The following ICE2 variants were observed in gnomAD, a reference collection of about 807,000 sequenced individuals.
ICE2 encodes interactor of little elongation complex ELL subunit 2.
In ICE2, 87 loss-of-function variants were observed where a neutral mutation model predicts 105.4. That is an observed-to-expected ratio of 0.83 (90% CI 0.69 to 0.99). The LOEUF (loss-of-function observed/expected upper bound fraction) is 0.99. Among genes scored for constraint, ICE2 ranks in the 50% least tolerant of loss-of-function variants. The pLI, the probability that ICE2 is intolerant of heterozygous loss-of-function variation, is 0.00. For missense variants in ICE2, 1,323 were observed against 1,146.7 expected, an observed-to-expected ratio of 1.15 and a Z score of -2.22; for synonymous variants, 399 against 392.0, an observed-to-expected ratio of 1.02 and a Z score of -0.21.
chr15:60,455,706 C>T (rs908325270), intron 6 of ICE2, among the ~76,000 whole-genome samples: 8 of 152,036 alleles, frequency 5.3e-5, no homozygotes, highest in African/African-American at 1.4e-4. Flanking sequence ...CAACCTCTGC[C>T]TCCTGGGTTC....
Position 60,455,387 on chromosome 15 carries a change from AG to A in ICE2, c.721del (p.Leu241CysfsTer6). 6.2e-7 allele frequency: 1 copy of A among 1,614,078 alleles called. No individual in the cohort carries two copies. Among genetic ancestry groups the A allele is most frequent in the Non-Finnish European group, 8.5e-7 (1 of 1,179,974 alleles). Reference protein sequence around the residue: ...VFPSMPIKLQLSKDDIATIET... With the variant: ...VFPSMPIKLQXSKDDIATIET... The stretch of plus-strand genomic sequence containing the variant: ...AATGGTAGCTATATCGTCCTTTGAC[AG>A]CTGCAACTTTATAGGCATTGAGGGA... On this transcript the variant is annotated frameshift_variant, in exon 7 of 16. Coordinates refer to ENST00000261520, the MANE Select transcript of ICE2 (RefSeq NM_024611.6). LOFTEE classifies it high-confidence loss of function.
chr15:60,437,629 G>A (rs562396749), intron 12 of ICE2, among the ~76,000 whole-genome samples: 3 of 151,590 alleles, frequency 2.0e-5, no homozygotes, highest in South Asian at 2.1e-4. Flanking sequence ...CACTGAGCCC[G>A]GCTGAAGTCT....
At chr15:60,433,550 G>A (rs2063510931) in intron 13 of ICE2, among the ~76,000 whole-genome samples, 1 of 151,646 alleles carries the variant, frequency 6.6e-6, no homozygotes, top group Non-Finnish European at 1.5e-5. Context: ...GAAGTGCGGT[G>A]GCACGATCTC....
chr15:60,428,381 C>T (rs749730306), intron 15 of ICE2, 48 bp downstream of exon 15: 52 of 1,565,640 alleles, frequency 3.3e-5, no homozygotes, highest in East Asian at 1.1e-4. Flanking sequence ...GTGAAATAGA[C>T]GAATAATAAA....
chr15:60,461,432 AT>A (rs1413023333), intron 5 of ICE2, among the ~76,000 whole-genome samples: 4 of 152,198 alleles, frequency 2.6e-5, no homozygotes, highest in African/African-American at 9.6e-5. Context: ...AAAATGAGTA[AT>A]TTTTATATGT....
At chr15:60,432,180 CCTT>C (rs1195438497) in intron 13 of ICE2, among the ~76,000 whole-genome samples, 196 bp from the exon 14 acceptor site, 8 of 138,786 alleles carry the variant, frequency 5.8e-5, no homozygotes, top group Non-Finnish European at 6.2e-5. Context: ...AAAAAAATTT[CCTT>C]TTTTTTTTTT....
rs756987508 is a variant in ICE2 at position 60,442,420 on chromosome 15, A to G, written c.2421T>C (p.Tyr807=). ...AAAGACTTTTGTATAACTTACCAAC[A>G]TAAAATGAGCTGTTGGAATGCAATA... ...ESLLHSNSSF[Y]VGHIDAFTSK... Residue 807 remains tyrosine, a synonymous_variant, in exon 12 of 16, where the codon TAT becomes TAC. Coordinates refer to ENST00000261520, the MANE Select transcript of ICE2 (RefSeq NM_024611.6). The G allele has an allele frequency of 6.3e-6, 10 of 1,580,884 alleles. No homozygotes were observed. In the South Asian group the frequency reaches 7.1e-5, roughly 11 times the overall value.
At chr15:60,469,937 T>C (rs960111828) in intron 3 of ICE2, among the ~76,000 whole-genome samples, 3 of 152,352 alleles carry the variant, frequency 2.0e-5, no homozygotes, top group Admixed American at 6.5e-5. Context: ...TAAGAGACTT[T>C]AGAAGTGCAT....
At chr15:60,460,086 T>C (rs1237523603) in intron 5 of ICE2, among the ~76,000 whole-genome samples, 3 of 152,168 alleles carry the variant, frequency 2.0e-5, no homozygotes, top group African/African-American at 7.2e-5. Flanking sequence ...TTCCAAAATT[T>C]ACATAAGAAT....
chr15:60,472,718 T>C (rs1162447639), intron 3 of ICE2, among the ~76,000 whole-genome samples: 1 of 152,118 alleles, frequency 6.6e-6, no homozygotes, highest in Non-Finnish European at 1.5e-5. Flanking sequence ...CTTGGCACAC[T>C]GGCGTGCACC....
chr15:60,436,260 G>A, intron 12 of ICE2, 33 bp from the exon 13 acceptor site: 1 of 833,526 alleles, frequency 1.2e-6, no homozygotes, highest in Non-Finnish European at 1.8e-6. Context: ...GAAAGAAGAA[G>A]CAATTGCAGT....
chr15:60,466,468 G>C (rs1197966082), intron 5 of ICE2, 126 bp downstream of exon 5: 4 of 1,020,412 alleles, frequency 3.9e-6, no homozygotes, highest in Admixed American at 2.6e-5. Flanking sequence ...ATGAAGAAAA[G>C]ACCTGTGGTT....
chr15:60,446,447 G>A (rs1397941970), intron 11 of ICE2, among the ~76,000 whole-genome samples: 1 of 152,134 alleles, frequency 6.6e-6, no homozygotes, highest in Non-Finnish European at 1.5e-5. Context: ...CCAGGCTGGA[G>A]TGCAGTGGTG....
At chr15:60,463,157 C>T (rs900043618) in intron 5 of ICE2, among the ~76,000 whole-genome samples, 1 of 152,110 alleles carries the variant, frequency 6.6e-6, no homozygotes, top group Non-Finnish European at 1.5e-5. Flanking sequence ...GAGGTGTATG[C>T]ATCTTTAATT....
At chr15:60,448,595 C>T (rs1394565102) in intron 10 of ICE2, among the ~76,000 whole-genome samples, 1 of 152,138 alleles carries the variant, frequency 6.6e-6, no homozygotes, top group East Asian at 1.9e-4. Context: ...TGACAAATCA[C>T]ATTACCTATA....
At position 60,474,152 on chromosome 15, in the gene ICE2, C is replaced by T. The variant is rs577524874; in HGVS notation, c.146+1911G>A. ...GCCTCAAGTCATCTTCCTGCCTTAC[C>T]CTTGCAAAATGCTGGGATTACAGGT... is the stretch of plus-strand genomic sequence containing the variant. On this transcript the variant is annotated intron_variant, in intron 3 of 15. Coordinates refer to ENST00000261520, the MANE Select transcript of ICE2 (RefSeq NM_024611.6). Among the ~76,000 whole-genome samples the T allele has an allele frequency of 7.7e-4, 117 of 152,048 alleles. 1 individual carries two copies. Among genetic ancestry groups the T allele is most frequent in the Non-Finnish European group, 1.5e-3 (101 of 68,006 alleles).
chr15:60,427,714 G>A (rs1328112047), intron 15 of ICE2, among the ~76,000 whole-genome samples: 1 of 152,130 alleles, frequency 6.6e-6, no homozygotes, highest in Non-Finnish European at 1.5e-5. Context: ...ACTGCGCCCA[G>A]CCCAGTGCAA....
intron 6 of ICE2, among the ~76,000 whole-genome samples, chr15:60,456,387 T>C (rs1462086283): frequency 1.3e-5 from 2 of 148,250 alleles, no homozygotes; most frequent in Non-Finnish European, 3.0e-5. Context: ...CTACTAAATA[T>C]ACAAAAATCA....
Position 60,442,432 on chromosome 15 carries a change from G to A in ICE2, c.2409C>T (p.Asn803=). 1.9e-6 allele frequency: 3 copies of A among 1,584,914 alleles called. No individual in the cohort carries two copies. Among genetic ancestry groups the A allele is most frequent in the Non-Finnish European group, 2.6e-6 (3 of 1,173,784 alleles). ...RLWTESLLHS[N]SSFYVGHIDA... is the part of the protein sequence containing the mutation. ...ATAACTTACCAACATAAAATGAGCT[G>A]TTGGAATGCAATAAACTTTCAGTCC... The change falls in exon 12 of 16, where the codon AAC becomes AAT. Residue 803 remains asparagine (N), a synonymous_variant. Coordinates refer to ENST00000261520, the MANE Select transcript of ICE2 (RefSeq NM_024611.6).
Sources: allele counts gnomAD v4.1 joint callset (sites outside exome capture counted in the v4.1 genomes callset), GRCh38; gene constraint gnomAD v4.1.1; transcripts MANE v1.5; gene names NCBI Gene and HGNC (gene_info 2026-07-23, HGNC 2026-07-21).